GPR89B: variants seen among roughly 807,000 people sequenced by gnomAD.
The protein encoded by GPR89B is G protein-coupled receptor 89B.
A neutral mutation model predicts 52.4 loss-of-function variants in GPR89B; 25 were observed. The observed-to-expected ratio is 0.48, with a 90% CI of 0.35 to 0.67. GPR89B has a LOEUF of 0.67. GPR89B is among the 30% of genes least tolerant of loss of function. The pLI is 0.01. For missense variants in GPR89B, 146 were observed against 450.2 expected (o/e 0.32, Z 6.11); for synonymous variants, 52 against 151.2 (o/e 0.34, Z 4.81).
At chr1:147,989,722 G>A (rs1242479853) in intron 12 of GPR89B, among the ~76,000 whole-genome samples, 4 of 152,018 alleles carry the variant, frequency 2.6e-5, no homozygotes, top group Non-Finnish European at 5.9e-5. Flanking sequence ...GAGAATGATG[G>A]TTTCCAGCTT....
Position 147,953,517 on chromosome 1 carries a change from CAT to C in GPR89B, c.536+55_536+56del, listed in dbSNP as rs1257575942. On this transcript the variant is annotated intron_variant, in intron 6 of 13. Coordinates refer to ENST00000314163, the MANE Select transcript of GPR89B (RefSeq NM_016334.5). The stretch of plus-strand genomic sequence containing the variant: ...TTTTTGCCCCATTACTTCTTGAATA[CAT>C]ATGTCATATTATGCCACCATCTTTA... The C allele has an allele frequency of 7.3e-4, 275 of 376,228 alleles. 4 individuals carry two copies. In the South Asian group the frequency reaches 7.6e-3, roughly 10 times the overall value. The allele number at this position is 376,228 out of a possible 1,614,324, so 23.3% of individuals were successfully genotyped here. A position where few individuals can be genotyped will look rare whatever the true frequency, so the allele number is the denominator to read the frequency against.
At chr1:147,959,489 C>T (rs1656375542) in intron 7 of GPR89B, among the ~76,000 whole-genome samples, 1 of 152,046 alleles carries the variant, frequency 6.6e-6, no homozygotes, top group South Asian at 2.1e-4. Flanking sequence ...AGAAGAGCAT[C>T]AGGTAACTAT....
intron 7 of GPR89B, among the ~76,000 whole-genome samples, chr1:147,957,848 A>G (rs1374595317): frequency 6.6e-6 from 1 of 152,026 alleles, no homozygotes; most frequent in East Asian, 1.9e-4. Context: ...GCAGATCACA[A>G]GGTCAGGAGA....
At chr1:147,992,008 A>G (rs1227520932) in intron 12 of GPR89B, among the ~76,000 whole-genome samples, 3 of 152,084 alleles carry the variant, frequency 2.0e-5, no homozygotes, top group Non-Finnish European at 2.9e-5. Flanking sequence ...ACTATTTTCT[A>G]ATCAACGTAG....
chr1:147,994,169 G>A, downstream of GPR89B: 1 of 1,408,654 alleles, frequency 7.1e-7, no homozygotes, highest in Non-Finnish European at 9.6e-7. Context: ...CACACATGGT[G>A]AATGGTTTCC....
At chr1:147,944,247 A>C (rs1232478852) in intron 5 of GPR89B, 149 bp downstream of exon 5, 7 of 578,640 alleles carry the variant, frequency 1.2e-5, no homozygotes, top group Non-Finnish European at 2.1e-5. Context: ...TTGGAAAAAA[A>C]TTTTTCTGAT....
intron 7 of GPR89B, among the ~76,000 whole-genome samples, chr1:147,961,405 A>C (rs1256186472): frequency 6.6e-6 from 1 of 152,246 alleles, no homozygotes; most frequent in Non-Finnish European, 1.5e-5. Flanking sequence ...AAAAGTAAAG[A>C]GAAAATCTTG....
intron 11 of GPR89B, among the ~76,000 whole-genome samples, chr1:147,987,754 G>T (rs1318590654): frequency 1.3e-5 from 2 of 151,868 alleles, no homozygotes; most frequent in East Asian, 3.9e-4. Context: ...TTTCAGAACT[G>T]AATCAAACAC....
Position 147,977,249 on chromosome 1 carries a change from A to C in GPR89B, c.909+7290A>C, listed in dbSNP as rs1479217142. ...ACTCCATCTCAAAAAAAAAAAAAAA[A>C]AAAAAAAAAAAAACAGAATGTTGAA... On this transcript the variant is annotated intron_variant, in intron 10 of 13. Transcript: ENST00000314163. 4.2e-4 allele frequency among the ~76,000 whole-genome samples: 63 copies of C among 151,102 alleles called. No homozygotes were observed. The East Asian group carries it at 0.01, about 24-fold the overall frequency.
At chr1:147,999,622 C>G in the GPR89B span, among the ~76,000 whole-genome samples, 2 of 150,452 alleles carry the variant, frequency 1.3e-5, no homozygotes, top group Admixed American at 1.3e-4. Context: ...AAGTGTGCTC[C>G]TTCTTACATG....
At chr1:148,006,937 G>C in the GPR89B span, among the ~76,000 whole-genome samples, 50 of 151,094 alleles carry the variant, frequency 3.3e-4, no homozygotes, top group African/African-American at 1.1e-3. Flanking sequence ...GGCTTGTCTC[G>C]AACTCCTGAC....
intron 1 of GPR89B, 136 bp downstream of exon 1, chr1:147,928,714 G>C (rs1315420060): frequency 7.6e-7 from 1 of 1,315,816 alleles, no homozygotes; most frequent in African/African-American, 1.5e-5. Context: ...CTGGCACACA[G>C]AGAGGGTGTG....
chr1:148,011,862 T>A, the GPR89B span: 1 of 152,304 alleles, frequency 6.6e-6, no homozygotes, highest in South Asian at 2.1e-4. Flanking sequence ...TTTCCGGTTT[T>A]GCTTTATACC....
intron 7 of GPR89B, among the ~76,000 whole-genome samples, chr1:147,958,900 AG>A (rs1263384206): frequency 2.6e-5 from 4 of 152,154 alleles, no homozygotes; most frequent in Non-Finnish European, 5.9e-5. Flanking sequence ...CTAACAGAGC[AG>A]ATAGACAGCA....
At chr1:148,016,628 T>C in the GPR89B span, among the ~76,000 whole-genome samples, 1 of 151,872 alleles carries the variant, frequency 6.6e-6, no homozygotes, top group Non-Finnish European at 1.5e-5. Flanking sequence ...CTTCAAAAAT[T>C]GGCTGGGAAC....
At chr1:147,930,469 C>T (rs1351040546) in intron 1 of GPR89B, among the ~76,000 whole-genome samples, 2 of 151,972 alleles carry the variant, frequency 1.3e-5, no homozygotes, top group African/African-American at 4.8e-5. Flanking sequence ...GTCCAAGATA[C>T]TGTCTGTCTT....
At chr1:147,942,313 A>G (rs587740649) in intron 3 of GPR89B, among the ~76,000 whole-genome samples, 99 of 148,454 alleles carry the variant, frequency 6.7e-4, no homozygotes, top group Non-Finnish European at 9.7e-4. Context: ...ACAGAAAATA[A>G]CAAGTGTTGG....
chr1:148,013,540 A>G, the GPR89B span, among the ~76,000 whole-genome samples: 1 of 151,970 alleles, frequency 6.6e-6, no homozygotes, highest in African/African-American at 2.4e-5. Flanking sequence ...GCATTTCCCG[A>G]GTGTCTTTCA....
the GPR89B span, among the ~76,000 whole-genome samples, chr1:148,008,897 G>A: frequency 6.6e-6 from 1 of 152,066 alleles, no homozygotes. Context: ...TGTTGAATAA[G>A]TGAATGACTA....
Sources: allele counts gnomAD v4.1 joint callset (sites outside exome capture counted in the v4.1 genomes callset), GRCh38; gene constraint gnomAD v4.1.1; transcripts MANE v1.5; gene names NCBI Gene and HGNC (gene_info 2026-07-23, HGNC 2026-07-21).